Variants in ZFAND4 observed in about 807,000 individuals in gnomAD.
The protein encoded by ZFAND4 is AN1-type zinc finger protein 4.
Under a neutral mutation model 64.4 loss-of-function variants are expected in ZFAND4, and 43 were observed. The ratio of observed to expected loss-of-function variants is 0.67; its 90% CI spans 0.52 to 0.86. The LOEUF (loss-of-function observed/expected upper bound fraction) is 0.86, where lower values mean the gene tolerates loss of function less well. ZFAND4 is among the 40% of genes least tolerant of loss of function. The pLI is 0.00. For synonymous variants in ZFAND4, 296 were observed against 305.7 expected (o/e 0.97, Z 0.33); for missense variants, 929 against 859.8 (o/e 1.08, Z -1.01).
intron 1 of ZFAND4, among the ~76,000 whole-genome samples, chr10:45,664,873 G>A (rs1221439726): frequency 1.3e-5 from 2 of 152,078 alleles, no homozygotes; most frequent in Admixed American, 1.3e-4. Flanking sequence ...AGAGCTTGCG[G>A]TGAGCCGAGA....
intron 4 of ZFAND4, chr10:45,651,567 C>G (rs151272269): frequency 1.0e-4 from 47 of 471,724 alleles, no homozygotes; most frequent in African/African-American, 9.0e-4. Context: ...CATCACAAAC[C>G]AGGTAAACAG....
intron 6 of ZFAND4, among the ~76,000 whole-genome samples, chr10:45,635,195 C>CAAAAAAAAAAAAAAAAAAAAAAAAAAAA (rs1173808756): frequency 6.2e-4 from 17 of 27,614 alleles, no homozygotes; most frequent in East Asian, 1.3e-3. Context: ...GCCATCTAAG[C>CAAAAAAAAAAAAAAAAAAAAAAAAAAAA]AAAAAAAAAA....
At chr10:45,635,336 GA>G (rs1239375837) in intron 6 of ZFAND4, among the ~76,000 whole-genome samples, 1 of 151,568 alleles carries the variant, frequency 6.6e-6, no homozygotes, top group African/African-American at 2.4e-5. Flanking sequence ...ACAACCAATG[GA>G]AAAGAACAGA....
intron 1 of ZFAND4, among the ~76,000 whole-genome samples, chr10:45,664,386 A>AGCCT (rs1285345421): frequency 6.6e-6 from 1 of 151,358 alleles, no homozygotes; most frequent in East Asian, 2.0e-4. Context: ...CTCCTGCCTC[A>AGCCT]GCCTCCCAAG....
At chr10:45,640,224 G>A in intron 5 of ZFAND4, 1 of 1,226,650 alleles carries the variant, frequency 8.2e-7, no homozygotes, top group Non-Finnish European at 1.0e-6. Context: ...CATAAATGAA[G>A]ATGTTTTGAC....
chr10:45,625,924 A>C, intron 7 of ZFAND4, 27 bp downstream of exon 7: 14 of 1,597,162 alleles, frequency 8.8e-6, no homozygotes, highest in African/African-American at 1.3e-5. Context: ...GATAACTACT[A>C]GAGCATGTTG....
At chr10:45,635,195 C>CAAAAAA (rs1173808756) in intron 6 of ZFAND4, among the ~76,000 whole-genome samples, 81 of 27,462 alleles carry the variant, frequency 2.9e-3, no homozygotes, top group Non-Finnish European at 3.3e-3. Flanking sequence ...GCCATCTAAG[C>CAAAAAA]AAAAAAAAAA....
At chr10:45,620,928 G>C (rs2045373544) in intron 8 of ZFAND4, 1 of 152,142 alleles carries the variant, frequency 6.6e-6, no homozygotes. Flanking sequence ...GTACTGAACA[G>C]ATGAATAAAG....
At chr10:45,618,787 T>C (rs78258366) in intron 8 of ZFAND4, among the ~76,000 whole-genome samples, 3,038 of 152,294 alleles carry the variant, frequency 0.02, 47 homozygotes, top group Admixed American at 0.028. Flanking sequence ...TAATAGAACA[T>C]GTATTTTTCT....
intron 6 of ZFAND4, among the ~76,000 whole-genome samples, chr10:45,636,706 A>G (rs1405189102): frequency 1.3e-5 from 2 of 152,094 alleles, no homozygotes; most frequent in African/African-American, 4.8e-5. Context: ...AATGTTCTAC[A>G]TGCACTTAAA....
chr10:45,663,242 A>G (rs1206005601), intron 2 of ZFAND4, among the ~76,000 whole-genome samples: 1 of 152,144 alleles, frequency 6.6e-6, no homozygotes, highest in Non-Finnish European at 1.5e-5. Context: ...TAACTATAAA[A>G]TAGTTAAGGC....
chr10:45,652,151 T>C, intron 3 of ZFAND4, 118 bp from the exon 4 acceptor site: 1 of 847,942 alleles, frequency 1.2e-6, no homozygotes, highest in Middle Eastern at 2.9e-4. Context: ...TATAAAAAGA[T>C]ATAGCAATGT....
chr10:45,617,989 C>G, intron 9 of ZFAND4, 151 bp downstream of exon 9: 1 of 737,438 alleles, frequency 1.4e-6, no homozygotes, highest in Non-Finnish European at 2.0e-6. Flanking sequence ...TTGTTCTTTA[C>G]TTCAGCCAAT....
rs74754124 is a variant in ZFAND4, at chr10:45,653,391, A to G, written c.185-332T>C. 2.0e-3 allele frequency among the ~76,000 whole-genome samples: 300 copies of G among 152,334 alleles called. 1 individual carries two copies. Among genetic ancestry groups the G allele is most frequent in the Non-Finnish European group, 3.2e-3 (218 of 68,022 alleles). On this transcript the variant is annotated intron_variant, in intron 2 of 9. Transcript: ENST00000344646. ...TATCAACAGAGTAAAGAGATGATCT[A>G]CAGAATGGGAGAACATATTCACAAA...
chr10:45,617,591 G>GAAAAAAA (rs11362238), intron 9 of ZFAND4, among the ~76,000 whole-genome samples: 7 of 71,082 alleles, frequency 9.8e-5, no homozygotes, highest in South Asian at 5.1e-4. Flanking sequence ...TTACAGTACT[G>GAAAAAAA]AAAAAAAAAA....
chr10:45,670,916 A>T (rs559139336), intron 1 of ZFAND4, among the ~76,000 whole-genome samples: 2 of 152,226 alleles, frequency 1.3e-5, no homozygotes, highest in Non-Finnish European at 1.5e-5. Context: ...ATGGGAAAAA[A>T]ATTTTGCAAT....
At chr10:45,621,518 G>A (rs542069044) in intron 8 of ZFAND4, among the ~76,000 whole-genome samples, 1 of 151,726 alleles carries the variant, frequency 6.6e-6, no homozygotes, top group Non-Finnish European at 1.5e-5. Context: ...TGAGGTGGGC[G>A]GATCCCGACG....
chr10:45,656,501 CAAAAAAAAA>C (rs541781976), intron 2 of ZFAND4, among the ~76,000 whole-genome samples: 2 of 24,712 alleles, frequency 8.1e-5, no homozygotes, highest in Non-Finnish European at 1.4e-4. Context: ...GAACCTGTCT[CAAAAAAAAA>C]AAAAAAAAAA....
chr10:45,640,031 T>A (rs1223647463), intron 5 of ZFAND4, 68 bp from the exon 6 acceptor site: 1 of 1,506,774 alleles, frequency 6.6e-7, no homozygotes, highest in Non-Finnish European at 8.9e-7. Flanking sequence ...ATGCTCTATA[T>A]GAAACAGCAA....
Sources: gnomAD v4.1 joint callset for allele counts (sites outside exome capture counted in the v4.1 genomes callset) on GRCh38, gnomAD v4.1.1 for gene constraint, MANE v1.5 for transcripts, NCBI Gene and HGNC (gene_info 2026-07-23, HGNC 2026-07-21) for gene names.